B3GNT5: variants seen among roughly 807,000 people sequenced by gnomAD.
B3GNT5 encodes UDP-GlcNAc:betaGal beta-1,3-N-acetylglucosaminyltransferase 5.
In B3GNT5, 11 loss-of-function variants were observed where a neutral mutation model predicts 25.9. That is an observed-to-expected ratio of 0.42 (90% CI 0.27 to 0.70). The LOEUF (loss-of-function observed/expected upper bound fraction) is 0.70. Among genes scored for constraint, B3GNT5 ranks in the 30% least tolerant of loss-of-function variants. The pLI is 0.23. For missense variants in B3GNT5, 385 were observed against 458.4 expected, an observed-to-expected ratio of 0.84 and a Z score of 1.46; for synonymous variants, 166 against 158.6, an observed-to-expected ratio of 1.05 and a Z score of -0.35.
intron 1 of B3GNT5, among the ~76,000 whole-genome samples, chr3:183,258,643 C>A (rs1003695028): frequency 1.3e-5 from 2 of 152,110 alleles, no homozygotes; most frequent in Admixed American, 6.6e-5. Context: ...AGGACACCAC[C>A]CCCCCGCCCC....
Position 183,273,282 on chromosome 3 carries a change from C to A in B3GNT5, c.*2347C>A. 3.0e-6 allele frequency: 1 copy of A among 330,808 alleles called. No homozygotes were observed. The allele number at this position is 330,808 out of a possible 1,614,324, so 20.5% of individuals were successfully genotyped here. A position where few individuals can be genotyped will look rare whatever the true frequency, so the allele number is the denominator to read the frequency against. On this transcript the variant is annotated 3_prime_UTR_variant, in exon 2 of 2. Coordinates refer to ENST00000326505, the MANE Select transcript of B3GNT5 (RefSeq NM_032047.5). ...TTTTTCCATATTGTTAATTTTATAC[C>A]AAAATGTTAAATATTTGTATTACTT...
At chr3:183,263,208 G>A (rs752343944) in intron 1 of B3GNT5, among the ~76,000 whole-genome samples, 38 of 152,146 alleles carry the variant, frequency 2.5e-4, no homozygotes, top group Non-Finnish European at 8.8e-5. Flanking sequence ...GAGATCACAT[G>A]ATCAAAATGG....
At position 183,267,029 on chromosome 3, in the gene B3GNT5, TC is replaced by T. The variant is rs953032576; in HGVS notation, c.-301-2467del. 6.6e-6 allele frequency among the ~76,000 whole-genome samples: 1 copy of T among 152,086 alleles called. No homozygotes were observed. The highest frequency in any genetic ancestry group is 1.5e-5 in the Non-Finnish European group (1 of 67,998). ...TCAAACTCCTGACCTCAAGTGATCC[TC>T]CTGCCTCGGCCTCCCAAAGCGCTAG... is the stretch of plus-strand genomic sequence containing the variant. On this transcript the variant is annotated intron_variant, in intron 1 of 1. Transcript: ENST00000326505. This position sits in a 1 kb window ranked among gnomAD's most constrained non-coding sequence, Gnocchi z 5.5.
chr3:183,260,539 T>C (rs1443121864), intron 1 of B3GNT5, among the ~76,000 whole-genome samples: 1 of 152,212 alleles, frequency 6.6e-6, no homozygotes, highest in Non-Finnish European at 1.5e-5. Flanking sequence ...AACTGGTTAC[T>C]GGGAATTATT....
chr3:183,254,196 C>G (rs1271577646), intron 1 of B3GNT5: 1 of 151,948 alleles, frequency 6.6e-6, no homozygotes, highest in African/African-American at 2.4e-5. Context: ...GGTGAGGGCA[C>G]GCCGGCCCTC....
chr3:183,272,800 A>G lies in B3GNT5; in HGVS notation c.*1865A>G. The G allele has an allele frequency of 8.5e-7, 1 of 1,173,676 alleles. No individual in the cohort carries two copies. The allele number at this position is 1,173,676 out of a possible 1,614,324, so 72.7% of individuals were successfully genotyped here. ...GCCCATATATACCCTGTGTATCTATACTTGGAAGTGTTTAAGGTTGCCATT... is the reference window on the plus strand; with the variant it reads ...GCCCATATATACCCTGTGTATCTATGCTTGGAAGTGTTTAAGGTTGCCATT... On this transcript the variant is annotated 3_prime_UTR_variant, in exon 2 of 2. Coordinates refer to ENST00000326505, the MANE Select transcript of B3GNT5 (RefSeq NM_032047.5).
intron 1 of B3GNT5, chr3:183,254,131 C>A (rs188120560): frequency 0.013 from 1,994 of 151,848 alleles, 34 homozygotes; most frequent in African/African-American, 0.045. Flanking sequence ...CGGGAGGCTC[C>A]GAGTCTGCCC....
At chr3:183,263,126 C>T (rs1725775785) in intron 1 of B3GNT5, among the ~76,000 whole-genome samples, 1 of 151,946 alleles carries the variant, frequency 6.6e-6, no homozygotes, top group Admixed American at 6.6e-5. Context: ...AATTTGAGGT[C>T]TCAGAAGAAA....
chr3:183,261,967 A>T (rs1295904548), intron 1 of B3GNT5, among the ~76,000 whole-genome samples: 2 of 146,932 alleles, frequency 1.4e-5, no homozygotes, highest in African/African-American at 5.1e-5. Flanking sequence ...GCATTAAAAA[A>T]AAAAAAAAAA....
chr3:183,258,896 C>T (rs77365069), intron 1 of B3GNT5, among the ~76,000 whole-genome samples: 563 of 152,210 alleles, frequency 3.7e-3, no homozygotes, highest in African/African-American at 0.013. Context: ...GGCCCATGTA[C>T]TTTAAATCAT....
chr3:183,269,913 A>G lies in B3GNT5; in HGVS notation c.115A>G (p.Ile39Val). Residue 39 changes from isoleucine to valine, a missense_variant, in exon 2 of 2, where the codon ATT becomes GTT. Coordinates refer to ENST00000326505, the MANE Select transcript of B3GNT5 (RefSeq NM_032047.5). The part of the protein sequence containing the change: ...MFFWEPIDNH[I>V]VSHMKSYSYR... Reference sequence around the variant, plus strand: ...TTTTTGGGAACCAATCGATAATCACATTGTGAGCCATATGAAGTCATATTC... The same window carrying G: ...TTTTTGGGAACCAATCGATAATCACGTTGTGAGCCATATGAAGTCATATTC... 1 of 1,614,132 alleles carries G rather than the reference A, an allele frequency of 6.2e-7. No individual in the cohort carries two copies. Among genetic ancestry groups the G allele is most frequent in the Middle Eastern group, 1.6e-4 (1 of 6,062 alleles).
intron 1 of B3GNT5, among the ~76,000 whole-genome samples, chr3:183,258,071 G>A (rs899837227): frequency 1.4e-5 from 2 of 145,308 alleles, no homozygotes; most frequent in African/African-American, 2.5e-5. Context: ...GGGTTCAAGC[G>A]ATTCTCCTGC....
intron 1 of B3GNT5, among the ~76,000 whole-genome samples, chr3:183,269,068 C>A (rs750644143): frequency 6.6e-6 from 1 of 151,930 alleles, no homozygotes; most frequent in Non-Finnish European, 1.5e-5. Flanking sequence ...CTGGGGCAAG[C>A]CTTAATGGAT....
Position 183,270,552 on chromosome 3 carries a change from T to G in B3GNT5, c.754T>G (p.Tyr252Asp). 1 of 1,614,190 alleles carries G rather than the reference T, an allele frequency of 6.2e-7. No homozygotes were observed. The highest frequency in any genetic ancestry group is 8.5e-7 in the Non-Finnish European group (1 of 1,180,036). ...GTACCAGTGGCCAGCTTACCCTGAC[T>G]ACACAGCCGGAGCTGCCTATGTAAT... ...EMYQWPAYPD[Y>D]TAGAAYVISG... Residue 252 changes from tyrosine (Y) to aspartate (D), a missense_variant, in exon 2 of 2, where the codon TAC becomes GAC. Physicochemically the swap from Tyr to Asp is radical, Grantham distance 160. Transcript: ENST00000326505. This position sits in a 1 kb window ranked among gnomAD's most constrained non-coding sequence, Gnocchi z 4.5.
In B3GNT5 at chr3:183,267,935, G is replaced by A. The variant is rs1726321058; in HGVS notation, c.-301-1563G>A. Among the ~76,000 whole-genome samples, 1 of 152,194 alleles carries A rather than the reference G, an allele frequency of 6.6e-6. No homozygotes were observed. Among genetic ancestry groups the A allele is most frequent in the African/African-American group, 2.4e-5 (1 of 41,430 alleles). On this transcript the variant is annotated intron_variant, in intron 1 of 1. Coordinates refer to ENST00000326505, the MANE Select transcript of B3GNT5 (RefSeq NM_032047.5). This position sits in a 1 kb window ranked among gnomAD's most constrained non-coding sequence, Gnocchi z 5.5. The stretch of plus-strand genomic sequence containing the variant: ...AACATTTGGGGAATGCCTACCAGGG[G>A]TCACACACTGAGCTGGATGCTGAGT...
At chr3:183,269,229 GCTTT>G (rs1726467292) in intron 1 of B3GNT5, among the ~76,000 whole-genome samples, 1 of 77,022 alleles carries the variant, frequency 1.3e-5, no homozygotes, top group South Asian at 4.7e-4. Context: ...CGTTTGGGAA[GCTTT>G]TTTTTTTTTT....
In B3GNT5 at chr3:183,262,196, G is replaced by A. The variant is rs906096206; in HGVS notation, c.-301-7302G>A. 2.0e-5 allele frequency among the ~76,000 whole-genome samples: 3 copies of A among 149,988 alleles called. No homozygotes were observed. In the South Asian group the frequency reaches 6.4e-4, roughly 32 times the overall value. ...TGATACTTTATTATATACACTAAGG[G>A]TTAGTCTTGTTTTATGATACTTTAT... is the stretch of plus-strand genomic sequence containing the variant. On this transcript the variant is annotated intron_variant, in intron 1 of 1. Transcript: ENST00000326505.
At chr3:183,257,866 C>A (rs937107771) in intron 1 of B3GNT5, among the ~76,000 whole-genome samples, 12 of 151,742 alleles carry the variant, frequency 7.9e-5, no homozygotes, top group Non-Finnish European at 1.5e-4. Flanking sequence ...CATTTCCCCA[C>A]TCAAGCCACA....
intron 1 of B3GNT5, among the ~76,000 whole-genome samples, chr3:183,268,246 G>A (rs2108439982): frequency 6.6e-6 from 1 of 152,348 alleles, no homozygotes; most frequent in East Asian, 1.9e-4. Flanking sequence ...TGGAGAGGCA[G>A]ATCCTAAAGG....
Sources: gnomAD v4.1 joint callset for allele counts (sites outside exome capture counted in the v4.1 genomes callset) on GRCh38, gnomAD v4.1.1 for gene constraint, Gnocchi (gnomAD v3.1) non-coding constraint, MANE v1.5 for transcripts, NCBI Gene and HGNC (gene_info 2026-07-23, HGNC 2026-07-21) for gene names.